Variants in NCAPD3 observed in about 807,000 individuals in gnomAD.
NCAPD3 encodes the protein condensin-2 complex subunit D3.
NCAPD3 carries 105 observed loss-of-function variants against 182.9 expected under a neutral mutation model. That is an observed-to-expected ratio of 0.57 (90% CI 0.49 to 0.68). NCAPD3 has a LOEUF of 0.68. Among genes scored for constraint, NCAPD3 ranks in the 30% least tolerant of loss-of-function variants. NCAPD3 has a pLI of 0.00. For synonymous variants in NCAPD3, 815 were observed against 679.9 expected (o/e 1.20, Z -3.09); for missense variants, 1,944 against 1,837.0 (o/e 1.06, Z -1.07).
rs907252385 is a variant in NCAPD3 at position 134,203,294 on chromosome 11, G to C, written c.1469-96C>G. On this transcript the variant is annotated intron_variant, in intron 11 of 34. Coordinates refer to ENST00000534548, the MANE Select transcript of NCAPD3 (RefSeq NM_015261.3). ...CAAAATCAAGATAATTAGGCTCAAA[G>C]ACAAGGCAGACAGATTCTAAATTGC... is the stretch of plus-strand genomic sequence containing the variant. The C allele has an allele frequency of 1.3e-5, 12 of 894,974 alleles. No homozygotes were observed. The Admixed American group carries it at 2.5e-4, about 19-fold the overall frequency. 55.4% of individuals were successfully genotyped at this position (894,974 alleles called of 1,614,324 possible). A position where few individuals can be genotyped will look rare whatever the true frequency, so the allele number is the denominator to read the frequency against.
chr11:134,150,874 G>T lies in NCAPD3; in HGVS notation c.*2070C>A, dbSNP rs986306276. On this transcript the variant is annotated 3_prime_UTR_variant, in exon 35 of 35. Transcript: ENST00000534548. Reference sequence around the variant, plus strand: ...AAAGAACGTCAGGTGGAGCAGCCAGGTGAAAGGCCTGGCGGGGAGGAAAGT... The same window carrying T: ...AAAGAACGTCAGGTGGAGCAGCCAGTTGAAAGGCCTGGCGGGGAGGAAAGT... 2 of 152,200 alleles carry T rather than the reference G, an allele frequency of 1.3e-5. No individual in the cohort carries two copies. The highest frequency in any genetic ancestry group is 2.9e-5 in the Non-Finnish European group (2 of 68,024). The allele number at this position is 152,200 out of a possible 1,614,324, so 9.4% of individuals were successfully genotyped here.
At chr11:134,158,944 C>T (rs1359695943) in intron 29 of NCAPD3, among the ~76,000 whole-genome samples, 1 of 152,176 alleles carries the variant, frequency 6.6e-6, no homozygotes, top group East Asian at 1.9e-4. Flanking sequence ...CTGTGTTTGG[C>T]TTATTTCACT....
chr11:134,194,835 A>C, intron 13 of NCAPD3, 97 bp from the exon 14 acceptor site: 1 of 719,750 alleles, frequency 1.4e-6, no homozygotes, highest in South Asian at 2.1e-5. Context: ...ACTCATCTTA[A>C]AGACTCATTA....
intron 27 of NCAPD3, among the ~76,000 whole-genome samples, chr11:134,166,788 C>G (rs1480546362): frequency 8.4e-6 from 1 of 118,620 alleles, no homozygotes; most frequent in Non-Finnish European, 1.8e-5. Context: ...GAGGCGCACA[C>G]TCGTGAGAGG....
intron 29 of NCAPD3, 51 bp downstream of exon 29, chr11:134,159,841 C>T: frequency 6.4e-7 from 1 of 1,551,962 alleles, no homozygotes; most frequent in Non-Finnish European, 8.7e-7. Flanking sequence ...AGACTGGTAG[C>T]AGACAGCAGA....
intron 13 of NCAPD3, 146 bp from the exon 14 acceptor site, chr11:134,194,884 G>A (rs1944595402): frequency 1.9e-6 from 1 of 518,682 alleles, no homozygotes; most frequent in Non-Finnish European, 3.4e-6. Flanking sequence ...TGTGGAAAAA[G>A]AAGAAAATGT....
At chr11:134,189,372 T>A (rs1010509203) in intron 16 of NCAPD3, among the ~76,000 whole-genome samples, 1 of 152,216 alleles carries the variant, frequency 6.6e-6, no homozygotes, top group Non-Finnish European at 1.5e-5. Context: ...ATTGAACCTT[T>A]AGCTCATCAG....
chr11:134,157,993 C>T lies in NCAPD3; in HGVS notation c.4109G>A (p.Ser1370Asn). 4 of 1,614,234 alleles carry T rather than the reference C, an allele frequency of 2.5e-6. No individual in the cohort carries two copies. The highest frequency in any genetic ancestry group is 2.2e-5 in the East Asian group (1 of 44,886). Residue 1370 changes from serine (S) to asparagine (N), a missense_variant, in exon 31 of 35, where the codon AGT (serine) becomes AAT (asparagine). Coordinates refer to ENST00000534548, the MANE Select transcript of NCAPD3 (RefSeq NM_015261.3). ...GAAAGGCAGCACTCCTAAGCTCCGACTCCGATGCCTGCTCTTTGACTCCAC... is the reference window on the plus strand; with the variant it reads ...GAAAGGCAGCACTCCTAAGCTCCGATTCCGATGCCTGCTCTTTGACTCCAC... ...KAVESKSRHR[S>N]RSLGVLPFTL...
chr11:134,194,785 A>G, intron 13 of NCAPD3, 47 bp from the exon 14 acceptor site: 1 of 1,298,352 alleles, frequency 7.7e-7, no homozygotes, highest in African/African-American at 1.5e-5. Flanking sequence ...GAAAAGTCAC[A>G]CAGCAGCTAA....
chr11:134,166,986 A>T (rs1449247814), intron 27 of NCAPD3, among the ~76,000 whole-genome samples: 53 of 103,364 alleles, frequency 5.1e-4, no homozygotes, highest in Admixed American at 1.6e-3. Context: ...CACACTCACT[A>T]GTGAGATGAG....
chr11:134,164,031 G>C (rs920032586), intron 27 of NCAPD3, among the ~76,000 whole-genome samples: 1 of 152,158 alleles, frequency 6.6e-6, no homozygotes, highest in Admixed American at 6.5e-5. Flanking sequence ...AGATAGATTG[G>C]TAAGAGAAAA....
intron 2 of NCAPD3, 127 bp from the exon 3 acceptor site, chr11:134,217,225 A>C: frequency 1.3e-6 from 1 of 745,854 alleles, no homozygotes; most frequent in Non-Finnish European, 1.9e-6. Context: ...TCCTACTGCT[A>C]AATGTTTACC....
rs771315456 is a variant in NCAPD3, at chr11:134,160,063, C to T, written c.3696G>A (p.Gln1232=). The T allele has an allele frequency of 5.3e-5, 86 of 1,613,880 alleles. No homozygotes were observed. The South Asian group carries it at 8.9e-4, about 17-fold the overall frequency. Residue 1232 remains glutamine (Q), a synonymous_variant, in exon 29 of 35, where the codon CAG becomes CAA. Coordinates refer to ENST00000534548, the MANE Select transcript of NCAPD3 (RefSeq NM_015261.3). ...ELMHYLREVM[Q]DYRDELKDFF... ...AGTCCTTGAGCTCATCTCGGTAATC[C>T]TGCATCACCTCCTGAAACAGAGCCA...
At chr11:134,210,909 A>C (rs1429245071) in intron 3 of NCAPD3, among the ~76,000 whole-genome samples, 1 of 152,226 alleles carries the variant, frequency 6.6e-6, no homozygotes, top group Non-Finnish European at 1.5e-5. Flanking sequence ...AAGCAGAGTC[A>C]GAAAGACAGG....
chr11:134,159,456 G>A (rs1272290312), intron 29 of NCAPD3, among the ~76,000 whole-genome samples: 1 of 152,224 alleles, frequency 6.6e-6, no homozygotes, highest in African/African-American at 2.4e-5. Context: ...GCTGTGGCAT[G>A]ACAGAAGAGA....
intron 28 of NCAPD3, 48 bp from the exon 29 acceptor site, chr11:134,160,122 G>T: frequency 1.3e-6 from 2 of 1,593,364 alleles, no homozygotes; most frequent in Non-Finnish European, 1.7e-6. Flanking sequence ...GAATAAAAAC[G>T]TAAAGCCCTA....
At chr11:134,176,139 GGTTT>G (rs1349537019) in intron 24 of NCAPD3, among the ~76,000 whole-genome samples, 164 bp downstream of exon 24, 3 of 151,948 alleles carry the variant, frequency 2.0e-5, no homozygotes, top group Non-Finnish European at 4.4e-5. Context: ...GCAAAACAAA[GGTTT>G]GTTATATTGC....
At position 134,158,053 on chromosome 11, in the gene NCAPD3, C is replaced by A. The variant is rs774856829; in HGVS notation, c.4049G>T (p.Ser1350Ile). Residue 1350 changes from serine (S) to isoleucine (I), a missense_variant, in exon 31 of 35, where the codon AGC becomes ATC. Physicochemically the swap from Ser to Ile is moderately radical, Grantham distance 142. Around this residue, in one of 3 missense-constraint regions of NCAPD3, gnomAD observed 1,803 missense variants for 1,674.6 expected, o/e 1.08. Transcript: ENST00000534548. ...GACAGAATTCAGGATTGCAATGGTG[C>A]TCAGGGACATGGGCCTGTGGAGAAC... ...LLPKARPMSL[S>I]TIAILNSVKK... is the part of the protein sequence containing the mutation. The A allele has an allele frequency of 6.2e-7, 1 of 1,613,830 alleles. No homozygotes were observed. The highest frequency in any genetic ancestry group is 8.5e-7 in the Non-Finnish European group (1 of 1,179,948).
chr11:134,150,597 CTT>C lies in NCAPD3; in HGVS notation c.*2345_*2346del, dbSNP rs1161725336. ...AGCTTTGGGCTCCTGTAACAGACCT[CTT>C]TTTGGTTATGGATGGCTCACAAAAT... On this transcript the variant is annotated 3_prime_UTR_variant, in exon 35 of 35. Coordinates refer to ENST00000534548, the MANE Select transcript of NCAPD3 (RefSeq NM_015261.3). 6.6e-6 allele frequency: 1 copy of C among 151,978 alleles called. No individual in the cohort carries two copies. Among genetic ancestry groups the C allele is most frequent in the African/African-American group, 2.4e-5 (1 of 41,354 alleles). The allele number at this position is 151,978 out of a possible 1,614,324, so 9.4% of individuals were successfully genotyped here.
Sources: gnomAD v4.1 joint callset for allele counts (sites outside exome capture counted in the v4.1 genomes callset) on GRCh38, gnomAD v4.1.1 for gene constraint, gnomAD v4.1.1 regional missense constraint, MANE v1.5 for transcripts, NCBI Gene and HGNC (gene_info 2026-07-23, HGNC 2026-07-21) for gene names.